The following STX18 variants were observed in gnomAD, a reference collection of about 807,000 sequenced individuals.
STX18 encodes the protein syntaxin-18.
STX18 carries 40 observed loss-of-function variants against 50.1 expected under a neutral mutation model. The observed-to-expected ratio is 0.80, with a 90% CI of 0.62 to 1.04. The LOEUF is 1.04. Among genes scored for constraint, STX18 ranks in the 50% least tolerant of loss-of-function variants. STX18 has a pLI of 0.00. For missense variants in STX18, 410 were observed against 415.8 expected (o/e 0.99, Z 0.12); for synonymous variants, 158 against 151.8 (o/e 1.04, Z -0.30).
chr4:4,511,905 C>T (rs1730025273), intron 1 of STX18, among the ~76,000 whole-genome samples: 1 of 151,942 alleles, frequency 6.6e-6, no homozygotes, highest in African/African-American at 2.4e-5. Flanking sequence ...GCCCTATTGA[C>T]ATTTTGGGCT....
At chr4:4,506,303 C>A (rs28867090) in intron 1 of STX18, among the ~76,000 whole-genome samples, 23,138 of 152,182 alleles carry the variant, frequency 0.15, 1,842 homozygotes, top group Non-Finnish European at 0.18. Flanking sequence ...AAATGTCCTT[C>A]AACAGGTGAT....
intron 1 of STX18, among the ~76,000 whole-genome samples, chr4:4,497,913 A>G (rs971497811): frequency 6.6e-6 from 1 of 152,198 alleles, no homozygotes; most frequent in Non-Finnish European, 1.5e-5. Context: ...CCAAGACACA[A>G]GAATGTAAGG....
At chr4:4,538,186 C>T (rs895460856) in intron 1 of STX18, among the ~76,000 whole-genome samples, 1 of 151,652 alleles carries the variant, frequency 6.6e-6, no homozygotes, top group African/African-American at 2.4e-5. Flanking sequence ...AAGTAGATTT[C>T]AACTTGAATG....
At chr4:4,518,472 T>C (rs1359623031) in intron 1 of STX18, among the ~76,000 whole-genome samples, 1 of 152,212 alleles carries the variant, frequency 6.6e-6, no homozygotes, top group African/African-American at 2.4e-5. Flanking sequence ...CAAGCCAATC[T>C]AAATGGTAAA....
At chr4:4,493,572 A>G (rs1299557426) in intron 1 of STX18, among the ~76,000 whole-genome samples, 1 of 152,192 alleles carries the variant, frequency 6.6e-6, no homozygotes, top group African/African-American at 2.4e-5. Flanking sequence ...TATTATCTTC[A>G]TTGTAGGCTG....
intron 1 of STX18, among the ~76,000 whole-genome samples, chr4:4,480,160 G>C (rs1033008476): frequency 2.6e-5 from 4 of 152,188 alleles, no homozygotes; most frequent in Non-Finnish European, 5.9e-5. Context: ...TTTGGAGACT[G>C]CTTTCTTCTT....
intron 1 of STX18, among the ~76,000 whole-genome samples, chr4:4,529,596 G>C (rs990699005): frequency 6.6e-6 from 1 of 152,192 alleles, no homozygotes; most frequent in Non-Finnish European, 1.5e-5. Flanking sequence ...GGACACACTT[G>C]CCACAGGACA....
In STX18 at chr4:4,541,783, A is replaced by G. The variant is rs778707836; in HGVS notation, c.168+14T>C. 2.9e-5 allele frequency: 47 copies of G among 1,599,152 alleles called. No homozygotes were observed. Among genetic ancestry groups the G allele is most frequent in the Non-Finnish European group, 3.6e-5 (42 of 1,172,238 alleles). On this transcript the variant is annotated intron_variant, in intron 1 of 10. Coordinates refer to ENST00000306200, the MANE Select transcript of STX18 (RefSeq NM_016930.4). ...CCCCTCCTCAACCCGCCGTTTCCAT[A>G]GCAACCAGCTCACCACTTCGCGGGC...
chr4:4,467,241 G>A (rs2108829807), intron 2 of STX18, among the ~76,000 whole-genome samples: 1 of 152,250 alleles, frequency 6.6e-6, no homozygotes, highest in South Asian at 2.1e-4. Context: ...AGGTGGCCTT[G>A]TCCCCAAGCA....
At chr4:4,484,063 C>T (rs573702641) in intron 1 of STX18, among the ~76,000 whole-genome samples, 73 of 152,222 alleles carry the variant, frequency 4.8e-4, no homozygotes, top group African/African-American at 1.1e-3. Flanking sequence ...GGGGTTTCAC[C>T]ATGTTAGCCA....
chr4:4,500,734 G>C (rs1172425151), intron 1 of STX18, among the ~76,000 whole-genome samples: 1 of 152,108 alleles, frequency 6.6e-6, no homozygotes, highest in East Asian at 1.9e-4. Flanking sequence ...ACATTTCATT[G>C]CTTAAATTTA....
At chr4:4,509,459 C>A (rs1006336670) in intron 1 of STX18, among the ~76,000 whole-genome samples, 2 of 151,724 alleles carry the variant, frequency 1.3e-5, no homozygotes, top group Non-Finnish European at 2.9e-5. Context: ...GGATATTAGA[C>A]CCTTGCCAGG....
chr4:4,461,115 T>C (rs1311286511), intron 2 of STX18, among the ~76,000 whole-genome samples: 1 of 152,218 alleles, frequency 6.6e-6, no homozygotes, highest in Admixed American at 6.5e-5. Context: ...TTTGATTTAA[T>C]GGAAACTCAG....
chr4:4,447,430 A>C (rs1726471801), intron 5 of STX18, among the ~76,000 whole-genome samples: 1 of 151,638 alleles, frequency 6.6e-6, no homozygotes, highest in Non-Finnish European at 1.5e-5. Context: ...TCTACTAAAA[A>C]AATACAAAAA....
At chr4:4,427,087 G>A (rs1194720271) in intron 7 of STX18, among the ~76,000 whole-genome samples, 3 of 152,220 alleles carry the variant, frequency 2.0e-5, no homozygotes, top group African/African-American at 7.2e-5. Context: ...CAGGGGGCTT[G>A]TCTTCTCTCT....
Position 4,496,421 on chromosome 4 carries a change from C to A in STX18, c.169-24715G>T, listed in dbSNP as rs566463892. On this transcript the variant is annotated intron_variant, in intron 1 of 10. Coordinates refer to ENST00000306200, the MANE Select transcript of STX18 (RefSeq NM_016930.4). ...TGCAGCCAACCCGCCATCAAGTCCT[C>A]CAGCTTCTACATCTTTAAGGGCTCC... Among the ~76,000 whole-genome samples, 4 of 152,304 alleles carry A rather than the reference C, an allele frequency of 2.6e-5. No individual in the cohort carries two copies. The East Asian group carries it at 7.7e-4, about 29-fold the overall frequency.
chr4:4,420,442 CATG>C lies in STX18; in HGVS notation c.913-316_913-314del, dbSNP rs1359230534. ...CCGCAAGCTTTGTGTTTCCCAGTAA[CATG>C]ATGTCCGTGGTGACCCAACCCTGAG... On this transcript the variant is annotated intron_variant, in intron 10 of 10. Coordinates refer to ENST00000306200, the MANE Select transcript of STX18 (RefSeq NM_016930.4). The surrounding 1 kb of genome is among the most constrained non-coding windows in gnomAD (Gnocchi z 4.3). 7.1e-6 allele frequency: 3 copies of C among 423,390 alleles called. No individual in the cohort carries two copies. The Admixed American group carries it at 1.1e-4, about 16-fold the overall frequency. 26.2% of individuals were successfully genotyped at this position (423,390 alleles called of 1,614,324 possible).
chr4:4,528,909 C>A (rs557462899), intron 1 of STX18, among the ~76,000 whole-genome samples: 15 of 152,294 alleles, frequency 9.8e-5, no homozygotes, highest in African/African-American at 3.4e-4. Flanking sequence ...CAAATAAAAT[C>A]AAAAACTGGT....
At chr4:4,499,685 T>C (rs544895281) in intron 1 of STX18, 5 of 231,316 alleles carry the variant, frequency 2.2e-5, no homozygotes, top group South Asian at 1.6e-4. Context: ...ACTTACACAA[T>C]AGAACATTCT....
Sources: gnomAD v4.1 joint callset for allele counts (sites outside exome capture counted in the v4.1 genomes callset) on GRCh38, gnomAD v4.1.1 for gene constraint, Gnocchi (gnomAD v3.1) non-coding constraint, MANE v1.5 for transcripts, NCBI Gene and HGNC (gene_info 2026-07-23, HGNC 2026-07-21) for gene names.